The following UCKL1 variants were observed in gnomAD, a reference collection of about 807,000 sequenced individuals.
The protein encoded by UCKL1 is uridine-cytidine kinase-like 1.
In UCKL1, 65 loss-of-function variants were observed where a neutral mutation model predicts 59.2. That is an observed-to-expected ratio of 1.10 (90% CI 0.90 to 1.35). UCKL1 has a LOEUF of 1.35. Ranked by LOEUF, UCKL1 falls within the 40% of genes most tolerant of loss-of-function variation. The pLI is 0.00. For missense variants in UCKL1, 703 were observed against 784.3 expected, an observed-to-expected ratio of 0.90 and a Z score of 1.24; for synonymous variants, 410 against 323.1, an observed-to-expected ratio of 1.27 and a Z score of -2.88.
Position 63,940,968 on chromosome 20 carries a change from G to T in UCKL1, c.1098C>A (p.Leu366=). The T allele has an allele frequency of 6.6e-7, 1 of 1,524,824 alleles. No homozygotes were observed. The allele number at this position is 1,524,824 out of a possible 1,614,324, so 94.5% of individuals were successfully genotyped here. The part of the protein sequence containing the change: ...RLMRLLIEHA[L]SFLPFQDCVV... ...TACGAACCTGAAAGGGCAGGAAGGA[G>T]AGCGCGTGCTCGATGAGCAGCCGCA... The change falls in exon 10 of 15, where the codon CTC becomes CTA. Residue 366 remains leucine, a synonymous_variant. Transcript: ENST00000354216.
Position 63,956,333 on chromosome 20 carries a change from G to A in UCKL1, c.40C>T (p.Pro14Ser). 1.3e-6 allele frequency: 2 copies of A among 1,553,118 alleles called. No homozygotes were observed. Among genetic ancestry groups the A allele is most frequent in the Non-Finnish European group, 1.7e-6 (2 of 1,153,038 alleles). Reference sequence around the variant, plus strand: ...TCTCGGGCCGTAGGTGGCGACGTGGGCGAAGGATCAGCGTCCGCGCGGGCC... The same window carrying A: ...TCTCGGGCCGTAGGTGGCGACGTGGACGAAGGATCAGCGTCCGCGCGGGCC... Reference protein sequence around the residue: ...PPARADADPSPTSPPTARDTP... With the variant: ...PPARADADPSSTSPPTARDTP... Residue 14 changes from proline (P) to serine (S), a missense_variant, in exon 1 of 15, where the codon CCC (proline) becomes TCC (serine). Coordinates refer to ENST00000354216, the MANE Select transcript of UCKL1 (RefSeq NM_017859.4).
At chr20:63,944,501 T>G in intron 6 of UCKL1, 43 bp from the exon 7 acceptor site, 1 of 1,587,684 alleles carries the variant, frequency 6.3e-7, no homozygotes, top group Non-Finnish European at 8.6e-7. Flanking sequence ...GCTGGGCCGT[T>G]GGCCTGCCCG....
At chr20:63,940,538 GT>G in intron 12 of UCKL1, 53 bp from the exon 13 acceptor site, 13 of 1,603,856 alleles carry the variant, frequency 8.1e-6, no homozygotes, top group Non-Finnish European at 1.1e-5. Flanking sequence ...TCCCCTTGCT[GT>G]GAGCTCCCTC....
At chr20:63,942,293 A>G (rs1240539541) in intron 8 of UCKL1, 1 of 239,664 alleles carries the variant, frequency 4.2e-6, no homozygotes, top group Non-Finnish European at 5.8e-6. Context: ...AAGAGGCGTG[A>G]CAGCGGCAGG....
chr20:63,951,240 G>A (rs2057538923), intron 1 of UCKL1: 1 of 984,688 alleles, frequency 1.0e-6, no homozygotes, highest in Non-Finnish European at 1.2e-6. Flanking sequence ...TGCCTGGTGT[G>A]GCCCTGACAA....
rs767074593 is a variant in UCKL1 at position 63,945,843 on chromosome 20, TG to T, written c.543del (p.Ile182PhefsTer41). 1.2e-6 allele frequency: 2 copies of T among 1,613,620 alleles called. No individual in the cohort carries two copies. The highest frequency in any genetic ancestry group is 1.7e-5 in the Admixed American group (1 of 60,010). On this transcript the variant is annotated frameshift_variant, in exon 4 of 15. Coordinates refer to ENST00000354216, the MANE Select transcript of UCKL1 (RefSeq NM_017859.4). LOFTEE classifies it high-confidence loss of function. ...CGGCTGTGCGTGGTGAAGTCATAAA[TG>T]GGCACCTTGACACTCTTCCCCTGCT... Reference protein sequence around the residue: ...KLKQGKSVKVPIYDFTTHSRK... With the variant: ...KLKQGKSVKVXIYDFTTHSRK...
Position 63,944,453 on chromosome 20 carries a change from C to A in UCKL1, c.850G>T (p.Gly284Cys). 6.3e-7 allele frequency: 1 copy of A among 1,576,630 alleles called. No individual in the cohort carries two copies. Among genetic ancestry groups the A allele is most frequent in the East Asian group, 2.3e-5 (1 of 43,046 alleles). The change falls in exon 7 of 15, where the codon GGC becomes TGC. Residue 284 changes from glycine to cysteine, a missense_variant. Coordinates refer to ENST00000354216, the MANE Select transcript of UCKL1 (RefSeq NM_017859.4). ...LADIVVPRGS[G>C]NTVAIDLIVQ... ...ATCAGGTCGATGGCCACCGTGTTGC[C>A]GCTCCCTGGGGCGGGATGGGGGGGC... is the stretch of plus-strand genomic sequence containing the variant.
At chr20:63,948,732 G>T (rs571744913) in intron 1 of UCKL1, among the ~76,000 whole-genome samples, 12 of 151,064 alleles carry the variant, frequency 7.9e-5, no homozygotes, top group African/African-American at 2.9e-4. Context: ...AGAGGGAAGC[G>T]TGTGCACACA....
At chr20:63,942,433 C>G in intron 8 of UCKL1, 2 of 1,169,374 alleles carry the variant, frequency 1.7e-6, no homozygotes, top group Non-Finnish European at 2.1e-6. Context: ...TACGGGAAGG[C>G]GGGTCACACA....
chr20:63,941,429 A>G, intron 8 of UCKL1: 1 of 660,402 alleles, frequency 1.5e-6, no homozygotes. Context: ...CAACGGGGCA[A>G]GCTCACCATC....
intron 1 of UCKL1, among the ~76,000 whole-genome samples, chr20:63,952,111 T>G (rs1231406454): frequency 2.0e-5 from 3 of 152,220 alleles, no homozygotes; most frequent in African/African-American, 7.2e-5. Context: ...CTCTCCTCAT[T>G]CTGCTCCCAG....
In UCKL1 at chr20:63,939,897, A is replaced by T. The variant is rs746699965; in HGVS notation, c.*79T>A. 6.6e-6 allele frequency: 8 copies of T among 1,216,422 alleles called. No individual in the cohort carries two copies. The highest frequency in any genetic ancestry group is 9.4e-6 in the Non-Finnish European group (8 of 848,002). The allele number at this position is 1,216,422 out of a possible 1,614,324, so 75.4% of individuals were successfully genotyped here. ...TAAATTATACTAGTAACATTTTAAA[A>T]ATTAACATCTTTGTATTCAGCAGTC... On this transcript the variant is annotated 3_prime_UTR_variant, in exon 15 of 15. Transcript: ENST00000354216.
rs1237965322 is a variant in UCKL1 at position 63,945,859 on chromosome 20, C to G, written c.528G>C (p.Lys176Asn). 1 of 1,613,706 alleles carries G rather than the reference C, an allele frequency of 6.2e-7. No individual in the cohort carries two copies. The highest frequency in any genetic ancestry group is 8.5e-7 in the Non-Finnish European group (1 of 1,180,000). Residue 176 changes from lysine to asparagine, a missense_variant, in exon 4 of 15, where the codon AAG (lysine) becomes AAC (asparagine). Transcript: ENST00000354216. ...ISTLKKLKQG[K>N]SVKVPIYDFT... ...AGTCATAAATGGGCACCTTGACACT[C>G]TTCCCCTGCTTCAGCTTCTTGAGGG... is the stretch of plus-strand genomic sequence containing the variant.
Position 63,941,020 on chromosome 20 carries a change from T to A in UCKL1, c.1046A>T (p.Glu349Val). 1.3e-6 allele frequency: 2 copies of A among 1,556,300 alleles called. No individual in the cohort carries two copies. Among genetic ancestry groups the A allele is most frequent in the Non-Finnish European group, 1.7e-6 (2 of 1,151,000 alleles). ...CAGTCTCTTGGAGTAGAAGATGAACTCGTCGCGACTGGTCTCCTTGTCCCT... is the reference window on the plus strand; with the variant it reads ...CAGTCTCTTGGAGTAGAAGATGAACACGTCGCGACTGGTCTCCTTGTCCCT... ...IIRDKETSRD[E>V]FIFYSKRLMR... Residue 349 changes from glutamate (E) to valine (V), a missense_variant, in exon 10 of 15, where the codon GAG (glutamate) becomes GTG (valine). This residue lies in a region of UCKL1 where 156 missense variants were observed against 185.6 expected (regional missense o/e 0.84). Transcript: ENST00000354216.
intron 1 of UCKL1, chr20:63,955,040 T>G (rs1279443962): frequency 6.6e-6 from 1 of 152,128 alleles, no homozygotes; most frequent in Non-Finnish European, 1.5e-5. Context: ...GGTCAGGAGT[T>G]GGAGACCAGC....
At chr20:63,950,843 G>C in intron 1 of UCKL1, 1 of 1,507,614 alleles carries the variant, frequency 6.6e-7, no homozygotes, top group Non-Finnish European at 8.9e-7. Flanking sequence ...GGACACGGGT[G>C]GGTGCTCCTG....
intron 5 of UCKL1, among the ~76,000 whole-genome samples, chr20:63,945,364 G>A (rs1018051304): frequency 2.0e-5 from 3 of 150,688 alleles, no homozygotes; most frequent in African/African-American, 7.5e-5. Flanking sequence ...TCACCTGTCC[G>A]TCAGGACCAC....
chr20:63,953,397 AAAC>A (rs2058003777), intron 1 of UCKL1: 1 of 151,824 alleles, frequency 6.6e-6, no homozygotes, highest in Admixed American at 6.6e-5. Context: ...AAACAAAACA[AAAC>A]AAAAGAAATA....
In UCKL1 at chr20:63,939,867, T is replaced by C. The variant is rs1600908254; in HGVS notation, c.*109A>G. 11 of 941,038 alleles carry C rather than the reference T, an allele frequency of 1.2e-5. No individual in the cohort carries two copies. Among genetic ancestry groups the C allele is most frequent in the Non-Finnish European group, 1.8e-5 (11 of 625,908 alleles). 58.3% of individuals were successfully genotyped at this position (941,038 alleles called of 1,614,324 possible). On this transcript the variant is annotated 3_prime_UTR_variant, in exon 15 of 15. Transcript: ENST00000354216. ...AGCTTTATTTATTTTATAAAATGCA[T>C]AGAATAAATTATACTAGTAACATTT... is the stretch of plus-strand genomic sequence containing the variant.
Sources: allele counts gnomAD v4.1 joint callset (sites outside exome capture counted in the v4.1 genomes callset), GRCh38; gene constraint gnomAD v4.1.1; regional missense constraint gnomAD v4.1.1; transcripts MANE v1.5; gene names NCBI Gene and HGNC (gene_info 2026-07-23, HGNC 2026-07-21).